The following SGCD variants were observed in gnomAD, a reference collection of about 807,000 sequenced individuals.
The protein encoded by SGCD is delta-sarcoglycan.
Under a neutral mutation model 36.6 loss-of-function variants are expected in SGCD, and 18 were observed. That is an observed-to-expected ratio of 0.49 (90% CI 0.34 to 0.73). The LOEUF is 0.73. Among genes scored for constraint, SGCD ranks in the 30% least tolerant of loss-of-function variants. SGCD has a pLI of 0.01. For missense variants in SGCD, 387 were observed against 346.7 expected (o/e 1.12, Z -0.92); for synonymous variants, 133 against 130.6 (o/e 1.02, Z -0.12).
rs1370179528 is a variant in SGCD at position 156,053,922 on chromosome 5, T to C, written c.-281-63956T>C. Among the ~76,000 whole-genome samples the C allele has an allele frequency of 1.4e-5, 2 of 145,832 alleles. 1 individual carries two copies. Among genetic ancestry groups the C allele is most frequent in the East Asian group, 3.9e-4 (2 of 5,188 alleles). The stretch of plus-strand genomic sequence containing the variant: ...ATGGTGGAAGGGGCAAGGGAGCTCA[T>C]CTGAGCTGCTTCTGTAGGGGCACTG... On this transcript the variant is annotated intron_variant, in intron 1 of 9. Coordinates refer to the SGCD transcript ENST00000517913.
chr5:156,377,761 A>G (rs1425530083), intron 3 of SGCD, among the ~76,000 whole-genome samples: 1 of 152,150 alleles, frequency 6.6e-6, no homozygotes, highest in African/African-American at 2.4e-5. Context: ...TCTTGGCTAT[A>G]CCATTTTTTA....
At chr5:155,747,347 G>A in the SGCD span, among the ~76,000 whole-genome samples, 1 of 152,172 alleles carries the variant, frequency 6.6e-6, no homozygotes, top group Non-Finnish European at 1.5e-5. Flanking sequence ...TTTAATTGTG[G>A]AAGTGAGGTT....
intron 4 of SGCD, among the ~76,000 whole-genome samples, chr5:156,563,964 A>G (rs528380250): frequency 6.6e-6 from 1 of 152,322 alleles, no homozygotes; most frequent in East Asian, 1.9e-4. Flanking sequence ...GCCATACTTA[A>G]TCTCTTTCCT....
At chr5:155,939,718 A>AAATTTCTATC (rs1757286278) in intron 1 of SGCD, among the ~76,000 whole-genome samples, 1 of 151,582 alleles carries the variant, frequency 6.6e-6, no homozygotes, top group South Asian at 2.1e-4. Context: ...AAAACAATTT[A>AAATTTCTATC]AATTTCTATC....
At chr5:156,041,123 T>G (rs17537158) in intron 1 of SGCD, among the ~76,000 whole-genome samples, 23,220 of 152,190 alleles carry the variant, frequency 0.15, 2,123 homozygotes, top group Non-Finnish European at 0.21. Context: ...CATAATCAGA[T>G]GTGTATCTGG....
At chr5:156,014,800 T>G (rs1285201583) in intron 1 of SGCD, among the ~76,000 whole-genome samples, 3 of 152,222 alleles carry the variant, frequency 2.0e-5, no homozygotes, top group African/African-American at 7.2e-5. Flanking sequence ...TTTCTTTATC[T>G]TTCATGCTAT....
intron 3 of SGCD, among the ~76,000 whole-genome samples, chr5:156,496,857 C>T (rs1756216075): frequency 6.6e-6 from 1 of 152,074 alleles, no homozygotes; most frequent in African/African-American, 2.4e-5. Context: ...ACCCTCTTAA[C>T]CCTCCATGGG....
chr5:156,566,323 A>C (rs1057300903), intron 4 of SGCD, among the ~76,000 whole-genome samples: 3 of 152,210 alleles, frequency 2.0e-5, no homozygotes, highest in African/African-American at 7.2e-5. Flanking sequence ...AAAGTTACTC[A>C]TGTGGCTTAT....
At chr5:156,265,718 T>C (rs1765982682) in intron 3 of SGCD, among the ~76,000 whole-genome samples, 1 of 151,948 alleles carries the variant, frequency 6.6e-6, no homozygotes, top group Non-Finnish European at 1.5e-5. Context: ...TAGTGATCTT[T>C]CCATGTGGGC....
the SGCD span, among the ~76,000 whole-genome samples, chr5:155,769,765 C>T: frequency 6.6e-6 from 1 of 152,150 alleles, no homozygotes; most frequent in East Asian, 1.9e-4. Flanking sequence ...GGCCTATTGG[C>T]GTGGCCTTCT....
intron 3 of SGCD, among the ~76,000 whole-genome samples, chr5:156,356,436 C>G (rs539850867): frequency 6.6e-6 from 1 of 152,150 alleles, no homozygotes; most frequent in Non-Finnish European, 1.5e-5. Context: ...TTGCCCTTAA[C>G]GTGGTTGCTA....
intron 1 of SGCD, among the ~76,000 whole-genome samples, chr5:156,328,345 C>T (rs572300168): frequency 2.9e-4 from 44 of 152,120 alleles, no homozygotes; most frequent in Non-Finnish European, 5.1e-4. Context: ...TGGTTTTTTC[C>T]GAACGGGGCT....
At chr5:156,222,567 C>G (rs1312440367) in intron 3 of SGCD, among the ~76,000 whole-genome samples, 1 of 151,942 alleles carries the variant, frequency 6.6e-6, no homozygotes, top group Non-Finnish European at 1.5e-5. Flanking sequence ...TTAAAGAATG[C>G]TTGAGTAAAG....
chr5:156,465,063 A>G (rs934346260), intron 3 of SGCD, among the ~76,000 whole-genome samples: 2 of 152,064 alleles, frequency 1.3e-5, no homozygotes, highest in African/African-American at 4.8e-5. Context: ...ATGTTACTGG[A>G]CACTCATCCA....
At chr5:156,481,057 C>T (rs937591296) in intron 3 of SGCD, among the ~76,000 whole-genome samples, 3 of 152,152 alleles carry the variant, frequency 2.0e-5, no homozygotes, top group African/African-American at 7.2e-5. Context: ...TGGTTTTTGT[C>T]ATCTGACAAA....
At chr5:155,864,587 T>G in the SGCD span, among the ~76,000 whole-genome samples, 2 of 152,340 alleles carry the variant, frequency 1.3e-5, no homozygotes, top group African/African-American at 4.8e-5. Flanking sequence ...GATTTACTGT[T>G]GCAATCTTGA....
intron 7 of SGCD, among the ~76,000 whole-genome samples, chr5:156,687,678 C>T (rs531328088): frequency 1.8e-4 from 28 of 152,298 alleles, no homozygotes; most frequent in African/African-American, 6.0e-4. Context: ...CCTTTCCCTC[C>T]GCATCAACTT....
chr5:156,071,949 C>T (rs2127588104), intron 1 of SGCD, among the ~76,000 whole-genome samples: 1 of 152,140 alleles, frequency 6.6e-6, no homozygotes, highest in South Asian at 2.1e-4. Flanking sequence ...ACTAGGATTG[C>T]AACCCCTGCC....
chr5:155,823,781 C>T, the SGCD span, among the ~76,000 whole-genome samples: 2 of 152,316 alleles, frequency 1.3e-5, no homozygotes, highest in African/African-American at 4.8e-5. Context: ...TTAGACAAAG[C>T]ATTGCCTGGC....
Sources: allele counts gnomAD v4.1 joint callset (sites outside exome capture counted in the v4.1 genomes callset), GRCh38; gene constraint gnomAD v4.1.1; transcripts MANE v1.5; gene names NCBI Gene and HGNC (gene_info 2026-07-23, HGNC 2026-07-21).